The following UTP25 variants were observed in gnomAD, a reference collection of about 807,000 sequenced individuals.
UTP25 encodes U3 small nucleolar RNA-associated protein 25 homolog.
In UTP25, 50 loss-of-function variants were observed where a neutral mutation model predicts 78.9. That is an observed-to-expected ratio of 0.63 (90% CI 0.50 to 0.80). The LOEUF (loss-of-function observed/expected upper bound fraction) is 0.80. UTP25 is among the 30% of genes least tolerant of loss of function. The probability of loss-of-function intolerance (pLI) is 0.00; values close to 1 mark genes in which losing one functional copy is unlikely to be tolerated. For synonymous variants in UTP25, 329 were observed against 336.5 expected (o/e 0.98, Z 0.24); for missense variants, 846 against 911.3 (o/e 0.93, Z 0.92).
At chr1:209,835,243 C>A in intron 5 of UTP25, 80 bp downstream of exon 5, 1 of 1,240,442 alleles carries the variant, frequency 8.1e-7, no homozygotes, top group Admixed American at 1.7e-5. Context: ...AGTGGCCTCC[C>A]AGAATGTATG....
At position 209,854,688 on chromosome 1, in the gene UTP25, A is replaced by G. The variant is rs934520953; in HGVS notation, c.*3241A>G. 3.9e-5 allele frequency: 6 copies of G among 152,332 alleles called. No homozygotes were observed. The highest frequency in any genetic ancestry group is 8.8e-5 in the Non-Finnish European group (6 of 68,118). 9.4% of individuals were successfully genotyped at this position (152,332 alleles called of 1,614,324 possible). A position where few individuals can be genotyped will look rare whatever the true frequency, so the allele number is the denominator to read the frequency against. The stretch of plus-strand genomic sequence containing the variant: ...CCACGTGAGCAGATCTAGGGTCTCA[A>G]GATTACAGAAGGCCTGGGGTGAGGG... On this transcript the variant is annotated 3_prime_UTR_variant, in exon 12 of 12. Transcript: ENST00000491415.
At position 209,851,409 on chromosome 1, in the gene UTP25, A is replaced by C; in HGVS notation, c.2233A>C (p.Asn745His). 1 of 1,612,162 alleles carries C rather than the reference A, an allele frequency of 6.2e-7. No individual in the cohort carries two copies. The highest frequency in any genetic ancestry group is 8.5e-7 in the Non-Finnish European group (1 of 1,179,518). The change falls in exon 12 of 12, where the codon AAC becomes CAC. Residue 745 changes from asparagine (N) to histidine (H), a missense_variant. Asn to His is a moderately conservative substitution (Grantham distance 68). Coordinates refer to ENST00000491415, the MANE Select transcript of UTP25 (RefSeq NM_014388.7). ...VERAAQMLQSNKNVHLFITGE... is the reference protein window; with the variant it reads ...VERAAQMLQSHKNVHLFITGE... Reference sequence around the variant, plus strand: ...GCGGGCGGCACAGATGCTACAGTCCAACAAGAATGTCCACCTCTTCATTAC... The same window carrying C: ...GCGGGCGGCACAGATGCTACAGTCCCACAAGAATGTCCACCTCTTCATTAC...
chr1:209,835,925 A>G (rs2078130230), intron 5 of UTP25, among the ~76,000 whole-genome samples: 1 of 152,168 alleles, frequency 6.6e-6, no homozygotes, highest in African/African-American at 2.4e-5. Flanking sequence ...ATATTTATAT[A>G]CAATTTTATC....
At chr1:209,828,357 C>T (rs974303247) in intron 1 of UTP25, among the ~76,000 whole-genome samples, 187 bp downstream of exon 1, 8 of 151,460 alleles carry the variant, frequency 5.3e-5, no homozygotes, top group Non-Finnish European at 1.2e-4. Flanking sequence ...TTTTGTTGAG[C>T]CTGTAATTTC....
chr1:209,830,845 A>G lies in UTP25; in HGVS notation c.190A>G (p.Ser64Gly). The change falls in exon 3 of 12, where the codon AGT becomes GGT. Residue 64 changes from serine (S) to glycine (G), a missense_variant. Physicochemically the swap from Ser to Gly is moderately conservative, Grantham distance 56. Transcript: ENST00000491415. ...DSSDSESDSE[S>G]EPQQVSGYHR... The stretch of plus-strand genomic sequence containing the variant: ...TTCAGATTCTGAAAGCGACTCAGAG[A>G]GTGAACCACAACAAGTTTCTGGCTA... The G allele has an allele frequency of 6.2e-7, 1 of 1,614,134 alleles. No homozygotes were observed. The highest frequency in any genetic ancestry group is 8.5e-7 in the Non-Finnish European group (1 of 1,179,970).
intron 11 of UTP25, among the ~76,000 whole-genome samples, chr1:209,845,977 C>T (rs754458083): frequency 2.6e-5 from 4 of 151,644 alleles, no homozygotes; most frequent in Admixed American, 6.6e-5. Context: ...GTGACTCAGC[C>T]TCCTGAGTAG....
At chr1:209,836,753 T>C in intron 5 of UTP25, 48 bp from the exon 6 acceptor site, 1 of 1,533,892 alleles carries the variant, frequency 6.5e-7, no homozygotes, top group Non-Finnish European at 8.7e-7. Context: ...TGAATGTAAT[T>C]TACTGTTATT....
Position 209,836,871 on chromosome 1 carries a change from A to C in UTP25, c.722A>C (p.Asp241Ala). ...TTGGAAACATTTAAACCCCCAAAGGATATTGACTTAAAGTCACTTCATCTC... is the reference window on the plus strand; with the variant it reads ...TTGGAAACATTTAAACCCCCAAAGGCTATTGACTTAAAGTCACTTCATCTC... ...QKLETFKPPKDIDLKSLHLQK... is the reference protein window; with the variant it reads ...QKLETFKPPKAIDLKSLHLQK... Residue 241 changes from aspartate (D) to alanine (A), a missense_variant, in exon 6 of 12, where the codon GAT becomes GCT. Physicochemically the swap from Asp to Ala is moderately radical, Grantham distance 126. Coordinates refer to ENST00000491415, the MANE Select transcript of UTP25 (RefSeq NM_014388.7). The C allele has an allele frequency of 1.2e-6, 2 of 1,614,144 alleles. No individual in the cohort carries two copies. Among genetic ancestry groups the C allele is most frequent in the Non-Finnish European group, 1.7e-6 (2 of 1,180,020 alleles).
At chr1:209,844,923 G>A (rs1396368151) in intron 11 of UTP25, among the ~76,000 whole-genome samples, 1 of 152,138 alleles carries the variant, frequency 6.6e-6, no homozygotes, top group African/African-American at 2.4e-5. Context: ...ATGTCCAGTG[G>A]ATTTAAGTTC....
chr1:209,845,535 C>T (rs2078192321), intron 11 of UTP25, among the ~76,000 whole-genome samples: 1 of 152,142 alleles, frequency 6.6e-6, no homozygotes, highest in South Asian at 2.1e-4. Context: ...GGCATGGAGC[C>T]CTTTGTAAGC....
At chr1:209,849,489 G>C (rs946214471) in intron 11 of UTP25, among the ~76,000 whole-genome samples, 3 of 152,048 alleles carry the variant, frequency 2.0e-5, no homozygotes, top group Non-Finnish European at 4.4e-5. Context: ...CAAGTGGTTT[G>C]CCTTTGCCTG....
In UTP25 at chr1:209,837,057, G is replaced by A. The variant is rs1328254368; in HGVS notation, c.908G>A (p.Gly303Glu). ...FYPERTALKN[G>E]EEIRHVYCLH... is the part of the protein sequence containing the mutation. ...CCGGAAAGGACTGCTCTGAAGAACGGGGAAGAGATCCGCCATGTGTATTGC... is the reference window on the plus strand; with the variant it reads ...CCGGAAAGGACTGCTCTGAAGAACGAGGAAGAGATCCGCCATGTGTATTGC... Residue 303 changes from glycine (G) to glutamate (E), a missense_variant, in exon 6 of 12, where the codon GGG becomes GAG. Gly to Glu is a moderately conservative substitution (Grantham distance 98, BLOSUM62 -2). Transcript: ENST00000491415. 6.2e-7 allele frequency: 1 copy of A among 1,613,962 alleles called. No homozygotes were observed. Among genetic ancestry groups the A allele is most frequent in the African/African-American group, 1.3e-5 (1 of 74,906 alleles).
chr1:209,843,922 A>G, intron 11 of UTP25: 1 of 576,660 alleles, frequency 1.7e-6, no homozygotes, highest in South Asian at 2.1e-5. Context: ...AAACCAAAGC[A>G]TACCCTGTCT....
rs1205397585 is a variant in UTP25, at chr1:209,836,846, T to G, written c.697T>G (p.Leu233Val). ...QLFFSSKFQKLETFKPPKDID... is the reference protein window; with the variant it reads ...QLFFSSKFQKVETFKPPKDID... ...TTTCTTTTCCTCTAAGTTTCAGAAG[T>G]TGGAAACATTTAAACCCCCAAAGGA... Residue 233 changes from leucine to valine, a missense_variant, in exon 6 of 12, where the codon TTG becomes GTG. Physicochemically the swap from Leu to Val is conservative, Grantham distance 32 (BLOSUM62 1). Transcript: ENST00000491415. 5 of 1,611,926 alleles carry G rather than the reference T, an allele frequency of 3.1e-6. No individual in the cohort carries two copies. The highest frequency in any genetic ancestry group is 4.2e-6 in the Non-Finnish European group (5 of 1,179,312).
chr1:209,843,368 T>C, intron 10 of UTP25, 83 bp from the exon 11 acceptor site: 1 of 1,513,436 alleles, frequency 6.6e-7, no homozygotes, highest in Non-Finnish European at 8.9e-7. Context: ...CACGAGATTG[T>C]AATTTGCTCA....
rs1285504088 is a variant in UTP25 at position 209,833,198 on chromosome 1, T to G, written c.402T>G (p.Ser134=). 2.5e-6 allele frequency: 4 copies of G among 1,613,518 alleles called. No individual in the cohort carries two copies. The highest frequency in any genetic ancestry group is 3.4e-6 in the Non-Finnish European group (4 of 1,179,828). The change falls in exon 4 of 12, where the codon TCT becomes TCG. Residue 134 remains serine, a synonymous_variant. Transcript: ENST00000491415. The stretch of plus-strand genomic sequence containing the variant: ...TCAAAACTGCAGATGTAGCTTTATC[T>G]GCTGACCCTGAGGGAAAAGAAGATG... ...STESPENVAL[S]ADPEGKEDGE...
intron 7 of UTP25, among the ~76,000 whole-genome samples, chr1:209,839,898 G>A (rs1030871552): frequency 2.0e-5 from 3 of 152,164 alleles, no homozygotes; most frequent in Non-Finnish European, 4.4e-5. Context: ...ACCCAAAATG[G>A]GGGCAGGGTG....
In UTP25 at chr1:209,855,260, G is replaced by A. The variant is rs1024236030; in HGVS notation, c.*3813G>A. On this transcript the variant is annotated 3_prime_UTR_variant, in exon 12 of 12. Transcript: ENST00000491415. ...GTCCTGTGTCTAAAGCTAAACACAT[G>A]TTCCTGTCTACTTTTGCTTTGTTCC... 1 of 152,254 alleles carries A rather than the reference G, an allele frequency of 6.6e-6. No individual in the cohort carries two copies. 9.4% of individuals were successfully genotyped at this position (152,254 alleles called of 1,614,324 possible).
At chr1:209,838,804 C>T in intron 6 of UTP25, 105 bp from the exon 7 acceptor site, 1 of 1,239,118 alleles carries the variant, frequency 8.1e-7, no homozygotes, top group Non-Finnish European at 1.2e-6. Flanking sequence ...GGCTGGGGGC[C>T]ACTGCTCTAC....
Sources: allele counts gnomAD v4.1 joint callset (sites outside exome capture counted in the v4.1 genomes callset), GRCh38; gene constraint gnomAD v4.1.1; transcripts MANE v1.5; gene names NCBI Gene and HGNC (gene_info 2026-07-23, HGNC 2026-07-21).